The following CACNA2D3 variants were observed in gnomAD, a reference collection of about 807,000 sequenced individuals.
CACNA2D3 encodes the protein voltage-dependent calcium channel subunit alpha-2/delta-3.
A neutral mutation model predicts 160.6 loss-of-function variants in CACNA2D3; 60 were observed. That is an observed-to-expected ratio of 0.37 (90% CI 0.30 to 0.46). CACNA2D3 has a LOEUF of 0.46. Ranked by LOEUF, CACNA2D3 falls within the 20% of genes least tolerant of loss-of-function variation. The pLI is 1.00. For missense variants in CACNA2D3, 1,205 were observed against 1,365.0 expected (o/e 0.88, Z 1.85); for synonymous variants, 558 against 492.9 (o/e 1.13, Z -1.75).
rs780677519 is a variant in CACNA2D3 at position 54,836,709 on chromosome 3, G to A, written c.1399-450G>A. 5.3e-5 allele frequency among the ~76,000 whole-genome samples: 8 copies of A among 152,168 alleles called. No individual in the cohort carries two copies. The East Asian group carries it at 1.3e-3, about 26-fold the overall frequency. ...ACTGGCTACCTTGGGGAAAATAAGT[G>A]CATCCAGATTCTGTTGTTTTTAGCA... On this transcript the variant is annotated intron_variant, in intron 14 of 37. Transcript: ENST00000474759.
intron 5 of CACNA2D3, among the ~76,000 whole-genome samples, chr3:54,556,816 C>G (rs992861944): frequency 1.3e-5 from 2 of 152,298 alleles, no homozygotes; most frequent in East Asian, 3.9e-4. Flanking sequence ...GAACATGAGG[C>G]TGAGCTCTGA....
At chr3:54,757,121 A>T (rs1476451203) in intron 12 of CACNA2D3, among the ~76,000 whole-genome samples, 1 of 152,202 alleles carries the variant, frequency 6.6e-6, no homozygotes. Flanking sequence ...AGCCATGGTG[A>T]CCTTCTCTAA....
chr3:54,644,401 A>G (rs867329150), intron 11 of CACNA2D3, among the ~76,000 whole-genome samples: 7 of 152,300 alleles, frequency 4.6e-5, no homozygotes, highest in South Asian at 2.1e-4. Flanking sequence ...GGAGAGTTCC[A>G]CGACATTTTT....
chr3:54,143,514 T>G (rs1350731040), intron 2 of CACNA2D3, among the ~76,000 whole-genome samples: 2 of 152,160 alleles, frequency 1.3e-5, no homozygotes, highest in African/African-American at 2.4e-5. Flanking sequence ...ATTTTTATAT[T>G]TTTGAGATGG....
rs569009923 is a variant in CACNA2D3 at position 54,684,173 on chromosome 3, C to A, written c.1167+41932C>A. ...AGATGGTTTCACCATGTTGGCCAGGCGGGTCTTGAACTCCTGACCCATGTA... is the reference window on the plus strand; with the variant it reads ...AGATGGTTTCACCATGTTGGCCAGGAGGGTCTTGAACTCCTGACCCATGTA... On this transcript the variant is annotated intron_variant, in intron 11 of 37. Coordinates refer to ENST00000474759, the MANE Select transcript of CACNA2D3 (RefSeq NM_018398.3). Among the ~76,000 whole-genome samples, 13 of 152,048 alleles carry A rather than the reference C, an allele frequency of 8.5e-5. No homozygotes were observed. In the South Asian group the frequency reaches 1.5e-3, roughly 17 times the overall value.
intron 2 of CACNA2D3, among the ~76,000 whole-genome samples, chr3:54,267,996 A>C (rs879626391): frequency 6.6e-6 from 1 of 152,158 alleles, no homozygotes; most frequent in Non-Finnish European, 1.5e-5. Flanking sequence ...TCTGAGTTAG[A>C]ATTGATGAAA....
intron 11 of CACNA2D3, among the ~76,000 whole-genome samples, chr3:54,646,551 ACCATGTCCCTC>A (rs1381791305): frequency 6.6e-6 from 1 of 151,842 alleles, no homozygotes; most frequent in African/African-American, 2.4e-5. Context: ...TCCAACTCTA[ACCATGTCCCTC>A]CAAAGGACAT....
intron 20 of CACNA2D3, 31 bp from the exon 21 acceptor site, chr3:54,880,765 A>G: frequency 6.3e-7 from 1 of 1,587,264 alleles, no homozygotes; most frequent in Non-Finnish European, 8.7e-7. Flanking sequence ...GATGCCAGGG[A>G]TTTCAAGATT....
At chr3:55,013,439 C>T (rs888942792) in intron 34 of CACNA2D3, among the ~76,000 whole-genome samples, 1 of 152,204 alleles carries the variant, frequency 6.6e-6, no homozygotes, top group Non-Finnish European at 1.5e-5. Context: ...AAGGTGAATT[C>T]GTCCATCTAC....
At chr3:54,249,763 TG>T (rs574964733) in intron 2 of CACNA2D3, among the ~76,000 whole-genome samples, 1,725 of 120,030 alleles carry the variant, frequency 0.014, 30 homozygotes, top group African/African-American at 0.053. Flanking sequence ...ACCAAAATTA[TG>T]TTTTTTTTTT....
chr3:54,464,180 T>G lies in CACNA2D3; in HGVS notation c.382-39312T>G, dbSNP rs563378845. ...GCCGTGTGAGGTGTCAGTCTGCCCC[T>G]ACTGGGGGGTGCCTCCTAGTTAGGC... On this transcript the variant is annotated intron_variant, in intron 4 of 37. Coordinates refer to ENST00000474759, the MANE Select transcript of CACNA2D3 (RefSeq NM_018398.3). Among the ~76,000 whole-genome samples, 6 of 152,322 alleles carry G rather than the reference T, an allele frequency of 3.9e-5. No individual in the cohort carries two copies. In the South Asian group the frequency reaches 1.0e-3, roughly 26 times the overall value.
intron 27 of CACNA2D3, among the ~76,000 whole-genome samples, chr3:54,914,401 C>T (rs1453856983): frequency 1.3e-5 from 2 of 152,150 alleles, no homozygotes; most frequent in African/African-American, 4.8e-5. Context: ...CAGGCCTGGA[C>T]TAAATGCTCT....
chr3:54,914,493 A>G (rs2106914583), intron 27 of CACNA2D3, among the ~76,000 whole-genome samples: 1 of 152,296 alleles, frequency 6.6e-6, no homozygotes, highest in South Asian at 2.1e-4. Context: ...CTGACATCCT[A>G]TCCTGTCCAC....
At position 54,925,194 on chromosome 3, in the gene CACNA2D3, C is replaced by T. The variant is rs749187104; in HGVS notation, c.2449+25326C>T. ...TACCACCTGGAGCAGGACAATCACACTGGAAAACAGGAGCAGTTCACCTAC... is the reference window on the plus strand; with the variant it reads ...TACCACCTGGAGCAGGACAATCACATTGGAAAACAGGAGCAGTTCACCTAC... On this transcript the variant is annotated intron_variant, in intron 27 of 37. Coordinates refer to ENST00000474759, the MANE Select transcript of CACNA2D3 (RefSeq NM_018398.3). 11 of 1,612,324 alleles carry T rather than the reference C, an allele frequency of 6.8e-6. No homozygotes were observed. In the South Asian group the frequency reaches 8.8e-5, roughly 13 times the overall value.
intron 3 of CACNA2D3, among the ~76,000 whole-genome samples, chr3:54,378,656 T>C (rs1179183864): frequency 6.6e-6 from 1 of 152,190 alleles, no homozygotes; most frequent in African/African-American, 2.4e-5. Flanking sequence ...ATTTTGATAA[T>C]CAACTCTAAA....
At chr3:54,783,294 C>A (rs1702568549) in intron 13 of CACNA2D3, among the ~76,000 whole-genome samples, 1 of 152,004 alleles carries the variant, frequency 6.6e-6, no homozygotes, top group Non-Finnish European at 1.5e-5. Flanking sequence ...ACCCATGGTA[C>A]CCACTTTGAG....
In CACNA2D3 at chr3:55,074,330, C is replaced by A. The variant is rs1019411224; in HGVS notation, c.*124C>A. ...GAATATAGTCCAACCATCAGCATCT[C>A]ATCATGATTTTAAACTGTGCGTGAT... On this transcript the variant is annotated 3_prime_UTR_variant, in exon 38 of 38. Coordinates refer to ENST00000474759, the MANE Select transcript of CACNA2D3 (RefSeq NM_018398.3). 2.6e-6 allele frequency: 2 copies of A among 777,782 alleles called. No homozygotes were observed. Among genetic ancestry groups the A allele is most frequent in the African/African-American group, 1.7e-5 (1 of 58,940 alleles). 48.2% of individuals were successfully genotyped at this position (777,782 alleles called of 1,614,324 possible).
chr3:54,749,248 C>G (rs575577043), intron 11 of CACNA2D3, among the ~76,000 whole-genome samples: 3 of 152,086 alleles, frequency 2.0e-5, no homozygotes, highest in Admixed American at 6.6e-5. Flanking sequence ...TTACCTTTAC[C>G]AGTACATCAT....
intron 35 of CACNA2D3, among the ~76,000 whole-genome samples, chr3:55,041,959 T>A (rs972059521): frequency 1.3e-5 from 2 of 152,160 alleles, no homozygotes; most frequent in African/African-American, 4.8e-5. Flanking sequence ...TTAAAGAATT[T>A]CTAGATACCT....
Sources: allele counts gnomAD v4.1 joint callset (sites outside exome capture counted in the v4.1 genomes callset), GRCh38; gene constraint gnomAD v4.1.1; transcripts MANE v1.5; gene names NCBI Gene and HGNC (gene_info 2026-07-23, HGNC 2026-07-21).